The following GTPBP6 variants were observed in gnomAD, a reference collection of about 807,000 sequenced individuals.
GTPBP6 encodes putative GTP-binding protein 6.
GTPBP6 carries 33 observed loss-of-function variants against 28.9 expected under a neutral mutation model. The observed-to-expected ratio is 1.14, with a 90% CI of 0.87 to 1.53. GTPBP6 has a LOEUF of 1.53. Ranked by LOEUF, GTPBP6 falls within the 40% of genes most tolerant of loss-of-function variation. The pLI is 0.00. For missense variants in GTPBP6, 507 were observed against 408.3 expected (o/e 1.24, Z -2.08); for synonymous variants, 231 against 192.7 (o/e 1.20, Z -1.65).
chrX:315,126 C>T (rs1334532308), intron 3 of GTPBP6, 103 bp downstream of exon 3: 32 of 398,112 alleles, frequency 8.0e-5, no homozygotes, highest in African/African-American at 4.1e-4. Flanking sequence ...CACCGTGTCC[C>T]CATCTGTCCC....
exon 8 of GTPBP6, chrX:307,856 C>A: frequency 1.3e-6 from 2 of 1,536,486 alleles, no homozygotes; most frequent in Admixed American, 2.2e-5. Flanking sequence ...GGGTGGCTGA[C>A]GTCCCTCACG....
chrX:318,596 G>A (rs1445500122), exon 1 of GTPBP6: 113 of 397,610 alleles, frequency 2.8e-4, no homozygotes, highest in Non-Finnish European at 4.3e-4. Context: ...CTCCCGTGCG[G>A]CTTCGGCCGC....
At chrX:314,000 G>A (rs1244465082) in intron 5 of GTPBP6, 150 bp downstream of exon 5, 1 of 720,980 alleles carries the variant, frequency 1.4e-6, no homozygotes, top group Non-Finnish European at 2.5e-6. Flanking sequence ...TTCCAGGGCT[G>A]AGGGTCTCCT....
At chrX:305,224 G>A (rs767280811) in intron 9 of GTPBP6, 27 bp from the exon 10 acceptor site, 2 of 1,551,264 alleles carry the variant, frequency 1.3e-6, no homozygotes, top group South Asian at 2.2e-5. Context: ...GTTGTATGGA[G>A]ACAAGCAGAA....
intron 7 of GTPBP6, among the ~76,000 whole-genome samples, chrX:309,448 C>T (rs1431132659): frequency 6.7e-6 from 1 of 149,284 alleles, no homozygotes; most frequent in African/African-American, 2.5e-5. Context: ...ATCCAACGAC[C>T]GACCGGTATG....
chrX:311,741 G>C, intron 6 of GTPBP6, 114 bp from the exon 7 acceptor site: 1 of 843,378 alleles, frequency 1.2e-6, no homozygotes, highest in Non-Finnish European at 1.9e-6. Flanking sequence ...CCGCACCCCG[G>C]GCTACACGGT....
exon 10 of GTPBP6, chrX:304,857 CT>C (rs1413368513): frequency 1.4e-6 from 2 of 1,430,788 alleles, no homozygotes; most frequent in Non-Finnish European, 1.8e-6. Flanking sequence ...GATGCTCAGG[CT>C]TGGAGTGGAC....
Position 314,488 on chromosome X carries a change from T to C in GTPBP6, c.690-271A>G, listed in dbSNP as rs752403440. On this transcript the variant is annotated intron_variant, in intron 4 of 9. Coordinates refer to ENST00000326153, the Ensembl canonical transcript of GTPBP6. ...CGGTGCTTTTCTTCTTTTTTTTTTTTTTTAGACGGAGTCTCGCTCTGTCAC... is the reference window on the plus strand; with the variant it reads ...CGGTGCTTTTCTTCTTTTTTTTTTTCTTTAGACGGAGTCTCGCTCTGTCAC... 2.0e-5 allele frequency among the ~76,000 whole-genome samples: 3 copies of C among 150,912 alleles called. No homozygotes were observed. The East Asian group carries it at 5.8e-4, about 29-fold the overall frequency.
chrX:309,451 C>T (rs773143825), intron 7 of GTPBP6, among the ~76,000 whole-genome samples: 1 of 147,816 alleles, frequency 6.8e-6, no homozygotes, highest in Non-Finnish European at 1.5e-5. Context: ...CAACGACCGA[C>T]CGGTATGTTT....
exon 10 of GTPBP6, chrX:304,973 A>G: frequency 6.5e-7 from 1 of 1,527,156 alleles, no homozygotes. Flanking sequence ...GACAAGGAGG[A>G]CCCTGCTGCA....
intron 2 of GTPBP6, among the ~76,000 whole-genome samples, chrX:315,705 CAGTAAAT>C (rs2070422015): frequency 1.0e-3 from 19 of 18,900 alleles, no homozygotes; most frequent in East Asian, 1.6e-3. Flanking sequence ...CACACACACA[CAGTAAAT>C]ACATCCCGAC....
intron 2 of GTPBP6, among the ~76,000 whole-genome samples, chrX:316,146 CAGTAAATACATCCCGACAGGGACAG>C (rs2070434413): frequency 2.6e-4 from 26 of 100,710 alleles, no homozygotes; most frequent in East Asian, 6.2e-4. Flanking sequence ...CACACACACA[CAGTAAATACATCCCGACAGGGACAG>C]ACACACACAC....
chrX:316,961 G>C (rs2070450291), exon 2 of GTPBP6: 2 of 398,510 alleles, frequency 5.0e-6, no homozygotes, highest in Non-Finnish European at 8.8e-6. Flanking sequence ...CTTCCTGTCC[G>C]GCGTTTTGGT....
At chrX:316,923 G>A (rs1321081163) in exon 2 of GTPBP6, 1 of 398,674 alleles carries the variant, frequency 2.5e-6, no homozygotes, top group Non-Finnish European at 4.4e-6. Flanking sequence ...CCTGTCAGGT[G>A]CTCAAAGTTC....
At chrX:304,808 A>C in exon 10 of GTPBP6, 1 of 1,368,436 alleles carries the variant, frequency 7.3e-7, no homozygotes, top group Non-Finnish European at 9.4e-7. Context: ...GAGGGAAAGC[A>C]GTTCACAGCA....
chrX:309,660 G>A, intron 7 of GTPBP6, among the ~76,000 whole-genome samples: 1 of 151,946 alleles, frequency 6.6e-6, no homozygotes, highest in African/African-American at 2.4e-5. Flanking sequence ...GAGTGGTGCG[G>A]CCACAAGCCC....
chrX:317,360 G>A (rs1302473545), intron 1 of GTPBP6, among the ~76,000 whole-genome samples: 7,360 of 152,124 alleles, frequency 0.048, 211 homozygotes, highest in African/African-American at 0.09. Flanking sequence ...ACCACCGGCA[G>A]GTTTGGGGAG....
chrX:317,454 G>A (rs1261040319), intron 1 of GTPBP6, among the ~76,000 whole-genome samples: 7 of 150,204 alleles, frequency 4.7e-5, no homozygotes, highest in Non-Finnish European at 8.8e-5. Flanking sequence ...GAAAACACCC[G>A]TAAAGAAAAA....
intron 5 of GTPBP6, among the ~76,000 whole-genome samples, 184 bp downstream of exon 5, chrX:313,966 G>A (rs1222395828): frequency 6.6e-6 from 1 of 152,216 alleles, no homozygotes; most frequent in East Asian, 1.9e-4. Flanking sequence ...GGAGCCCCCA[G>A]CCAGCCCCCA....
Sources: allele counts gnomAD v4.1 joint callset (sites outside exome capture counted in the v4.1 genomes callset), GRCh38; gene constraint gnomAD v4.1.1; transcripts MANE v1.5; gene names NCBI Gene and HGNC (gene_info 2026-07-23, HGNC 2026-07-21).